Variants in FUT8 observed in about 807,000 individuals in gnomAD.
The protein encoded by FUT8 is fucosyltransferase 8.
In FUT8, 29 loss-of-function variants were observed where a neutral mutation model predicts 71.3. The ratio of observed to expected loss-of-function variants is 0.41; its 90% confidence interval spans 0.30 to 0.55. The LOEUF (loss-of-function observed/expected upper bound fraction) is 0.55, where lower values mean the gene tolerates loss of function less well. Among genes scored for constraint, FUT8 ranks in the 20% least tolerant of loss-of-function variants. FUT8 has a pLI of 0.34. For missense variants in FUT8, 544 were observed against 702.1 expected (o/e 0.77, Z 2.55); for synonymous variants, 254 against 239.3 (o/e 1.06, Z -0.57).
chr14:65,646,648 C>G (rs1233551307), intron 6 of FUT8: 1 of 152,008 alleles, frequency 6.6e-6, no homozygotes, highest in Non-Finnish European at 1.5e-5. Flanking sequence ...CAGACCATAA[C>G]TGAGCAGCCT....
Position 65,742,301 on chromosome 14 carries a change from C to G in FUT8, c.1619C>G (p.Ser540Cys). The G allele has an allele frequency of 6.2e-7, 1 of 1,612,972 alleles. No homozygotes were observed. Among genetic ancestry groups the G allele is most frequent in the African/African-American group, 1.3e-5 (1 of 74,924 alleles). ...GVAGNHWDGY[S>C]KGVNRKLGRT... ...GCTGGAAATCATTGGGATGGCTATT[C>G]TAAAGGTGTCAACAGGAAATTGGGA... The change falls in exon 11 of 11, where the codon TCT becomes TGT. Residue 540 changes from serine (S) to cysteine (C), a missense_variant. Transcript: ENST00000673929.
intron 2 of FUT8, among the ~76,000 whole-genome samples, chr14:65,490,871 A>G (rs553186207): frequency 6.6e-6 from 1 of 152,254 alleles, no homozygotes; most frequent in African/African-American, 2.4e-5. Flanking sequence ...GTTATGCTGA[A>G]TATTGATCAT....
chr14:65,677,151 T>TGTGTGTGTGCGCGC lies in FUT8; in HGVS notation c.835+7672_835+7673insTGTGTGTGCGCGCG. On this transcript the variant is annotated intron_variant, in intron 7 of 10. Transcript: ENST00000673929. ...GTGTGTGTGTGTGTGTGTGTGTGTG[T>TGTGTGTGTGCGCGC]GCGCGCGCGCATGCGCGCGCACGTA... 8.0e-3 allele frequency among the ~76,000 whole-genome samples: 885 copies of TGTGTGTGTGCGCGC among 110,668 alleles called. 11 individuals are homozygous for TGTGTGTGTGCGCGC. The highest frequency in any genetic ancestry group is 0.011 in the Non-Finnish European group (602 of 55,668). 72.6% of individuals were successfully genotyped at this position (110,668 alleles called of 152,430 possible).
At chr14:65,565,384 T>C (rs1958562) in intron 3 of FUT8, among the ~76,000 whole-genome samples, 2,674 of 144,426 alleles carry the variant, frequency 0.019, 48 homozygotes, top group East Asian at 0.07. Context: ...GATATATCAC[T>C]TTTTTTTTTT....
the FUT8 span, among the ~76,000 whole-genome samples, chr14:65,371,907 T>A: frequency 1.3e-3 from 185 of 145,130 alleles, 1 homozygote; most frequent in African/African-American, 4.7e-3. Flanking sequence ...CTAAGGAATG[T>A]ATGTATATAT....
the FUT8 span, among the ~76,000 whole-genome samples, chr14:65,394,750 CT>C: frequency 0.07 from 9,323 of 132,412 alleles, 323 homozygotes; most frequent in Admixed American, 0.12. Context: ...GCAGTCAAAT[CT>C]TTTTTTTTTT....
At chr14:65,714,110 C>T (rs954192327) in intron 7 of FUT8, among the ~76,000 whole-genome samples, 2 of 152,162 alleles carry the variant, frequency 1.3e-5, no homozygotes, top group African/African-American at 4.8e-5. Flanking sequence ...TTCCCAGCAC[C>T]ATTTATTGAA....
chr14:65,411,760 A>T (rs1028112841), upstream of FUT8: 2 of 324,906 alleles, frequency 6.2e-6, no homozygotes, highest in African/African-American at 2.2e-5. Flanking sequence ...TACAGGGAAG[A>T]GTTTGGAACG....
rs141030626 is a variant in FUT8 at position 65,524,642 on chromosome 14, G to C, written c.-227-36695G>C. ...AGGAGTGGTGAGCGAGGGCATCCCT[G>C]TCTTGTGCCAGTTTTCAAAGGGAAT... On this transcript the variant is annotated intron_variant, in intron 2 of 10. Transcript: ENST00000673929. Among the ~76,000 whole-genome samples the C allele has an allele frequency of 9.8e-3, 1,498 of 152,272 alleles. 19 individuals carry two copies. The highest frequency in any genetic ancestry group is 0.031 in the African/African-American group (1,277 of 41,542).
At chr14:65,726,496 C>T (rs143723159) in intron 9 of FUT8, among the ~76,000 whole-genome samples, 11 of 152,330 alleles carry the variant, frequency 7.2e-5, no homozygotes, top group Admixed American at 5.9e-4. Flanking sequence ...AGAGCTTGTG[C>T]AGGGAAACTC....
chr14:65,628,743 A>C (rs1890023441), intron 5 of FUT8, among the ~76,000 whole-genome samples: 1 of 152,122 alleles, frequency 6.6e-6, no homozygotes, highest in Non-Finnish European at 1.5e-5. Context: ...TGTAATTGAA[A>C]TTACTGATGC....
At chr14:65,678,006 G>C (rs2140400331) in intron 7 of FUT8, among the ~76,000 whole-genome samples, 1 of 152,282 alleles carries the variant, frequency 6.6e-6, no homozygotes, top group Non-Finnish European at 1.5e-5. Context: ...GAAGTTATTA[G>C]CTGTGTTACT....
the FUT8 span, among the ~76,000 whole-genome samples, chr14:65,385,932 A>G: frequency 1.3e-5 from 2 of 151,916 alleles, no homozygotes; most frequent in Non-Finnish European, 2.9e-5. Flanking sequence ...CGGGTAGATC[A>G]CCTGAGGTCA....
Position 65,742,399 on chromosome 14 carries a change from G to A in FUT8, c.1717G>A (p.Ala573Thr). 6.2e-7 allele frequency: 1 copy of A among 1,610,622 alleles called. No homozygotes were observed. The highest frequency in any genetic ancestry group is 8.5e-7 in the Non-Finnish European group (1 of 1,177,778). The stretch of plus-strand genomic sequence containing the variant: ...GGTCAAGTACCCCACATATCCTGAG[G>A]CTGAGAAATAAAGCTCAGATGGAAG... ...ETVKYPTYPE[A>T]EK The change falls in exon 11 of 11, where the codon GCT becomes ACT. Residue 573 changes from alanine (A) to threonine (T), a missense_variant. Physicochemically the swap from Ala to Thr is moderately conservative, Grantham distance 58. Transcript: ENST00000673929.
At chr14:65,624,278 T>C (rs1889777055) in intron 5 of FUT8, among the ~76,000 whole-genome samples, 1 of 107,436 alleles carries the variant, frequency 9.3e-6, no homozygotes, top group Admixed American at 1.1e-4. Context: ...AAAACATTAG[T>C]GTACTCTTTT....
At chr14:65,724,355 G>T (rs1156951785) in intron 9 of FUT8, 32 bp downstream of exon 9, 4 of 1,376,114 alleles carry the variant, frequency 2.9e-6, no homozygotes, top group Admixed American at 2.2e-5. Context: ...TTCTAGAGTG[G>T]GGTTGTCTCT....
intron 2 of FUT8, among the ~76,000 whole-genome samples, chr14:65,529,902 T>C (rs1035942342): frequency 6.6e-6 from 1 of 152,144 alleles, no homozygotes; most frequent in African/African-American, 2.4e-5. Flanking sequence ...AAGGATTCAT[T>C]GAGGACTCTG....
chr14:65,597,621 T>G (rs1594801408), intron 3 of FUT8, among the ~76,000 whole-genome samples: 1 of 143,286 alleles, frequency 7.0e-6, no homozygotes. Context: ...AGACTCTGTC[T>G]AAAAAAAAAA....
At chr14:65,621,743 T>C (rs1889625665) in intron 5 of FUT8, among the ~76,000 whole-genome samples, 1 of 152,158 alleles carries the variant, frequency 6.6e-6, no homozygotes. Flanking sequence ...GTATTTTTAG[T>C]AGAGACAGGG....
Sources: gnomAD v4.1 joint callset for allele counts (sites outside exome capture counted in the v4.1 genomes callset) on GRCh38, gnomAD v4.1.1 for gene constraint, MANE v1.5 for transcripts, NCBI Gene and HGNC (gene_info 2026-07-23, HGNC 2026-07-21) for gene names.